Variants in SLCO6A1 observed in about 807,000 individuals in gnomAD.
The protein encoded by SLCO6A1 is solute carrier organic anion transporter family member 6A1.
SLCO6A1 carries 65 observed loss-of-function variants against 72.7 expected under a neutral mutation model. That is an observed-to-expected ratio of 0.89 (90% confidence interval 0.73 to 1.10). The LOEUF (loss-of-function observed/expected upper bound fraction) is 1.10. Ranked by LOEUF, SLCO6A1 falls within the 50% of genes least tolerant of loss-of-function variation. The probability of loss-of-function intolerance (pLI) is 0.00; values close to 1 mark genes in which losing one functional copy is unlikely to be tolerated. For synonymous variants in SLCO6A1, 314 were observed against 298.2 expected, an observed-to-expected ratio of 1.05 and a Z score of -0.55; for missense variants, 874 against 872.6, an observed-to-expected ratio of 1.00 and a Z score of -0.02.
intron 3 of SLCO6A1, among the ~76,000 whole-genome samples, chr5:102,476,268 C>G (rs138604875): frequency 6.6e-6 from 1 of 152,012 alleles, no homozygotes; most frequent in Non-Finnish European, 1.5e-5. Context: ...ACATAGAGAA[C>G]AGACAGATTC....
intron 4 of SLCO6A1, among the ~76,000 whole-genome samples, chr5:102,474,715 C>T (rs187093587): frequency 6.1e-4 from 92 of 151,880 alleles, no homozygotes; most frequent in Non-Finnish European, 1.0e-3. Context: ...GAACTTCAAC[C>T]CAATAGCAAC....
At chr5:102,456,796 A>T (rs540659885) in intron 6 of SLCO6A1, among the ~76,000 whole-genome samples, 10 of 152,132 alleles carry the variant, frequency 6.6e-5, no homozygotes, top group Non-Finnish European at 1.5e-4. Flanking sequence ...CATTGCCAAG[A>T]CAATCCTAAG....
At chr5:102,448,627 C>T (rs1750246478) in intron 6 of SLCO6A1, among the ~76,000 whole-genome samples, 1 of 151,946 alleles carries the variant, frequency 6.6e-6, no homozygotes, top group African/African-American at 2.4e-5. Context: ...ATATAATGCC[C>T]CCCTTTGTCC....
Position 102,415,050 on chromosome 5 carries a change from G to A in SLCO6A1, c.1473-1907C>T, listed in dbSNP as rs535701402. Among the ~76,000 whole-genome samples, 4 of 152,030 alleles carry A rather than the reference G, an allele frequency of 2.6e-5. No homozygotes were observed. The South Asian group carries it at 8.3e-4, about 32-fold the overall frequency. On this transcript the variant is annotated intron_variant, in intron 8 of 13. Coordinates refer to ENST00000506729, the MANE Select transcript of SLCO6A1 (RefSeq NM_173488.5). ...TATAAGAAAAGAAAACTACAAGAAA[G>A]TAATTGTTGATAACACAAACAAATG...
At chr5:102,423,895 CA>C (rs1202423124) in intron 7 of SLCO6A1, among the ~76,000 whole-genome samples, 4 of 152,024 alleles carry the variant, frequency 2.6e-5, no homozygotes, top group African/African-American at 9.7e-5. Context: ...TTAGCAAATG[CA>C]AAAGAATGGA....
chr5:102,435,802 G>A (rs1485232324), intron 7 of SLCO6A1, among the ~76,000 whole-genome samples: 1 of 151,958 alleles, frequency 6.6e-6, no homozygotes, highest in African/African-American at 2.4e-5. Flanking sequence ...TTGAACCTGG[G>A]AGGTGGAGGT....
rs57935092 is a variant in SLCO6A1, at chr5:102,381,731, C to CTTTTT, written c.2017+6952_2017+6956dup. 3.7e-3 allele frequency among the ~76,000 whole-genome samples: 503 copies of CTTTTT among 134,316 alleles called. 8 individuals are homozygous for CTTTTT. The highest frequency in any genetic ancestry group is 0.013 in the African/African-American group (483 of 36,600). 88.1% of individuals were successfully genotyped at this position (134,316 alleles called of 152,430 possible). A position where few individuals can be genotyped will look rare whatever the true frequency, so the allele number is the denominator to read the frequency against. On this transcript the variant is annotated intron_variant, in intron 12 of 13. Coordinates refer to ENST00000506729, the MANE Select transcript of SLCO6A1 (RefSeq NM_173488.5). ...TTTCCACATCCTCACCAATATTTAT[C>CTTTTT]TTTTTTTTTTTTTTTTGGTAATACA...
chr5:102,399,465 TA>T, intron 10 of SLCO6A1, 89 bp downstream of exon 10: 1 of 863,326 alleles, frequency 1.2e-6, no homozygotes, highest in Non-Finnish European at 1.6e-6. Flanking sequence ...AAACACAGAG[TA>T]AATTATTTGC....
At chr5:102,472,639 G>A (rs944531871) in intron 4 of SLCO6A1, among the ~76,000 whole-genome samples, 1 of 151,906 alleles carries the variant, frequency 6.6e-6, no homozygotes, top group African/African-American at 2.4e-5. Context: ...CAGAAATACT[G>A]TAAATGAAAT....
intron 7 of SLCO6A1, among the ~76,000 whole-genome samples, chr5:102,437,035 C>G (rs1482808475): frequency 6.6e-6 from 1 of 152,168 alleles, no homozygotes; most frequent in Non-Finnish European, 1.5e-5. Context: ...AAGTTACACT[C>G]AGTTACTCAA....
At chr5:102,431,794 T>A (rs959796986) in intron 7 of SLCO6A1, among the ~76,000 whole-genome samples, 2 of 152,176 alleles carry the variant, frequency 1.3e-5, no homozygotes, top group Non-Finnish European at 2.9e-5. Context: ...CTTTGTTAAT[T>A]TTCTGCCTTG....
At chr5:102,427,016 A>G (rs911264419) in intron 7 of SLCO6A1, among the ~76,000 whole-genome samples, 2 of 152,134 alleles carry the variant, frequency 1.3e-5, no homozygotes, top group South Asian at 2.1e-4. Flanking sequence ...CTAACACAGG[A>G]ACAGGAAATA....
At chr5:102,432,350 T>G (rs1749266454) in intron 7 of SLCO6A1, among the ~76,000 whole-genome samples, 1 of 152,180 alleles carries the variant, frequency 6.6e-6, no homozygotes, top group Non-Finnish European at 1.5e-5. Context: ...CATACTTAAG[T>G]GCATTTTTGT....
intron 12 of SLCO6A1, 146 bp downstream of exon 12, chr5:102,388,542 T>C (rs539617717): frequency 3.8e-6 from 2 of 519,806 alleles, no homozygotes; most frequent in South Asian, 6.9e-5. Flanking sequence ...AGAGATGTGG[T>C]CTCTATTTTG....
intron 6 of SLCO6A1, 54 bp downstream of exon 6, chr5:102,458,328 A>G (rs1750845003): frequency 7.6e-7 from 1 of 1,324,230 alleles, no homozygotes; most frequent in Admixed American, 2.1e-5. Flanking sequence ...TCATTATTAG[A>G]AAATTAAACA....
At chr5:102,441,306 G>A (rs1382071230) in intron 6 of SLCO6A1, among the ~76,000 whole-genome samples, 4 of 152,036 alleles carry the variant, frequency 2.6e-5, no homozygotes, top group African/African-American at 9.7e-5. Context: ...TTCACAAATA[G>A]CCCAATTGGC....
chr5:102,434,005 C>A (rs565310318), intron 7 of SLCO6A1, among the ~76,000 whole-genome samples: 2 of 151,870 alleles, frequency 1.3e-5, no homozygotes, highest in Admixed American at 1.3e-4. Flanking sequence ...TTTTCATGTC[C>A]CCATATTTAA....
intron 12 of SLCO6A1, among the ~76,000 whole-genome samples, chr5:102,379,314 A>T (rs1745984970): frequency 6.6e-6 from 1 of 152,040 alleles, no homozygotes; most frequent in Non-Finnish European, 1.5e-5. Flanking sequence ...TTTTCTAGGT[A>T]GTGCTTCATG....
intron 1 of SLCO6A1, among the ~76,000 whole-genome samples, chr5:102,493,807 A>T (rs995916758): frequency 6.6e-6 from 1 of 152,208 alleles, no homozygotes; most frequent in Non-Finnish European, 1.5e-5. Context: ...GATGCAGGAT[A>T]GAAGATGTAA....
Sources: gnomAD v4.1 joint callset for allele counts (sites outside exome capture counted in the v4.1 genomes callset) on GRCh38, gnomAD v4.1.1 for gene constraint, MANE v1.5 for transcripts, NCBI Gene and HGNC (gene_info 2026-07-23, HGNC 2026-07-21) for gene names.